RNF6: variants seen among roughly 807,000 people sequenced by gnomAD.
RNF6 encodes ring finger protein 6.
A neutral mutation model predicts 50.1 loss-of-function variants in RNF6; 21 were observed. The ratio of observed to expected loss-of-function variants is 0.42; its 90% CI spans 0.30 to 0.60. RNF6 has a LOEUF of 0.60. Among genes scored for constraint, RNF6 ranks in the 20% least tolerant of loss-of-function variants. The pLI, the probability that RNF6 is intolerant of heterozygous loss-of-function variation, is 0.20. For synonymous variants in RNF6, 255 were observed against 291.8 expected, an observed-to-expected ratio of 0.87 and a Z score of 1.29; for missense variants, 698 against 838.2, an observed-to-expected ratio of 0.83 and a Z score of 2.07.
chr13:26,207,247 G>T (rs1869148427), intron 5 of RNF6, among the ~76,000 whole-genome samples: 1 of 151,690 alleles, frequency 6.6e-6, no homozygotes, highest in Non-Finnish European at 1.5e-5. Context: ...AAAAAAGTAT[G>T]AAAGGCAAGA....
At chr13:26,159,541 C>T (rs1192746323) in intron 5 of RNF6, among the ~76,000 whole-genome samples, 2 of 152,094 alleles carry the variant, frequency 1.3e-5, no homozygotes, top group Non-Finnish European at 2.9e-5. Flanking sequence ...AGGAGAATGG[C>T]GTGAACCCAG....
At chr13:26,146,246 A>T (rs1189012864) in intron 5 of RNF6, among the ~76,000 whole-genome samples, 1 of 152,214 alleles carries the variant, frequency 6.6e-6, no homozygotes, top group Non-Finnish European at 1.5e-5. Context: ...ACTCAGCAAC[A>T]CAGGTTTGGA....
intron 5 of RNF6, among the ~76,000 whole-genome samples, chr13:26,204,528 GAAAAAGA>G (rs1484280191): frequency 1.4e-5 from 2 of 146,734 alleles, no homozygotes; most frequent in African/African-American, 5.0e-5. Flanking sequence ...AAGAAAGAAA[GAAAAAGA>G]AAAAAGAAAA....
chr13:26,188,633 T>C (rs1019635294), intron 5 of RNF6, among the ~76,000 whole-genome samples: 1 of 108,346 alleles, frequency 9.2e-6, no homozygotes, highest in Non-Finnish European at 1.9e-5. Context: ...CTTTTTTTTT[T>C]TTTTTTTTTT....
chr13:26,160,771 G>A (rs1374662581), intron 5 of RNF6, among the ~76,000 whole-genome samples: 1 of 152,096 alleles, frequency 6.6e-6, no homozygotes, highest in Non-Finnish European at 1.5e-5. Context: ...AGATCAAGGT[G>A]TTGGCAGAGC....
chr13:26,163,325 T>A (rs917403127), intron 5 of RNF6, among the ~76,000 whole-genome samples: 9 of 150,512 alleles, frequency 6.0e-5, no homozygotes, highest in East Asian at 5.8e-4. Context: ...AAAAAAAAAA[T>A]ACCAACTTGT....
Position 26,214,260 on chromosome 13 carries a change from T to C in RNF6, c.1622A>G (p.Gln541Arg). The change falls in exon 5 of 5, where the codon CAG becomes CGG. Residue 541 changes from glutamine (Q) to arginine (R), a missense_variant. Coordinates refer to ENST00000381588, the MANE Select transcript of RNF6 (RefSeq NM_005977.4). ...CATTTCAGTGCTGTCTCCTTGGGCC[T>C]GCCTGTCTTGAGAGGAACCTTCCCT... is the stretch of plus-strand genomic sequence containing the variant. ...QHREGSSQDR[Q>R]AQGDSTEMHG... 6.2e-7 allele frequency: 1 copy of C among 1,614,208 alleles called. No homozygotes were observed. The highest frequency in any genetic ancestry group is 8.5e-7 in the Non-Finnish European group (1 of 1,180,038).
intron 5 of RNF6, among the ~76,000 whole-genome samples, chr13:26,194,522 T>A (rs1868583737): frequency 6.6e-6 from 1 of 152,182 alleles, no homozygotes; most frequent in Non-Finnish European, 1.5e-5. Flanking sequence ...TTTACTGCAG[T>A]TCCTTTTTAC....
intron 5 of RNF6, among the ~76,000 whole-genome samples, chr13:26,203,003 A>G (rs567754850): frequency 6.6e-6 from 1 of 152,336 alleles, no homozygotes; most frequent in East Asian, 1.9e-4. Context: ...CCCACTAGGT[A>G]AGTGTGATTG....
intron 4 of RNF6, among the ~76,000 whole-genome samples, chr13:26,216,585 A>G (rs1869895588): frequency 6.6e-6 from 1 of 152,204 alleles, no homozygotes; most frequent in African/African-American, 2.4e-5. Flanking sequence ...GATATTATAT[A>G]AAGTACAAAA....
Position 26,214,233 on chromosome 13 carries a change from T to A in RNF6, c.1649A>T (p.His550Leu). Residue 550 changes from histidine (H) to leucine (L), a missense_variant, in exon 5 of 5, where the codon CAT becomes CTT. His to Leu is a moderately conservative substitution (Grantham distance 99, BLOSUM62 -3). Transcript: ENST00000381588. ...AGGCTGGGTGGTCTCGTTTTCACCA[T>A]GCATTTCAGTGCTGTCTCCTTGGGC... ...RQAQGDSTEM[H>L]GENETTQPHT... is the part of the protein sequence containing the mutation. 6.2e-7 allele frequency: 1 copy of A among 1,614,212 alleles called. No homozygotes were observed.
chr13:26,199,933 G>A (rs964635042), intron 5 of RNF6, among the ~76,000 whole-genome samples: 1 of 152,144 alleles, frequency 6.6e-6, no homozygotes, highest in South Asian at 2.1e-4. Flanking sequence ...CCATGAATTT[G>A]GGATTAATGC....
At chr13:26,145,049 G>A (rs1285691330) in intron 5 of RNF6, 2 of 152,262 alleles carry the variant, frequency 1.3e-5, no homozygotes, top group African/African-American at 4.8e-5. Context: ...TACTCCTGAA[G>A]TAGAACAGTG....
intron 5 of RNF6, among the ~76,000 whole-genome samples, chr13:26,151,150 A>G (rs1171294078): frequency 2.0e-5 from 3 of 152,226 alleles, no homozygotes; most frequent in Non-Finnish European, 4.4e-5. Context: ...CACCTCAGTC[A>G]TACGTTGCCT....
chr13:26,210,054 T>A (rs993056424), downstream of RNF6, among the ~76,000 whole-genome samples: 2 of 152,258 alleles, frequency 1.3e-5, no homozygotes, highest in African/African-American at 4.8e-5. Flanking sequence ...TGAAAATAAC[T>A]CGCAATCTGT....
At chr13:26,171,206 A>T (rs1270731970) in intron 5 of RNF6, among the ~76,000 whole-genome samples, 7 of 152,178 alleles carry the variant, frequency 4.6e-5, no homozygotes, top group African/African-American at 1.7e-4. Context: ...CAGCTAAACA[A>T]TCCAATTCAA....
At chr13:26,181,198 G>A (rs1230797678) in intron 5 of RNF6, among the ~76,000 whole-genome samples, 5 of 152,180 alleles carry the variant, frequency 3.3e-5, no homozygotes, top group African/African-American at 1.2e-4. Flanking sequence ...GCAGCACCAG[G>A]GAAAGCATGG....
rs183596609 is a variant in RNF6 at position 26,184,982 on chromosome 13, C to T, written n.768+30492G>A. ...TTTTAGAACTTGTAGGTATTGTTATCATTTTATTGATTGATTGATTGATTG... is the reference window on the plus strand; with the variant it reads ...TTTTAGAACTTGTAGGTATTGTTATTATTTTATTGATTGATTGATTGATTG... On this transcript the variant is annotated intron_variant and non_coding_transcript_variant, in intron 5 of 5. Coordinates refer to the RNF6 transcript ENST00000468480. Among the ~76,000 whole-genome samples the T allele has an allele frequency of 1.9e-4, 28 of 147,754 alleles. No individual in the cohort carries two copies. The East Asian group carries it at 4.8e-3, about 26-fold the overall frequency.
chr13:26,213,608 A>T lies in RNF6; in HGVS notation c.*216T>A. The stretch of plus-strand genomic sequence containing the variant: ...TTAGAGGTTATTTGGTTCTAGCAAT[A>T]TTAACTATTCTGTATTTCTGGATAA... On this transcript the variant is annotated 3_prime_UTR_variant, in exon 5 of 5. Coordinates refer to ENST00000381588, the MANE Select transcript of RNF6 (RefSeq NM_005977.4). The T allele has an allele frequency of 2.5e-6, 1 of 399,436 alleles. No individual in the cohort carries two copies. The highest frequency in any genetic ancestry group is 4.4e-6 in the Non-Finnish European group (1 of 227,628). 24.7% of individuals were successfully genotyped at this position (399,436 alleles called of 1,614,324 possible). A position where few individuals can be genotyped will look rare whatever the true frequency, so the allele number is the denominator to read the frequency against.
Sources: allele counts gnomAD v4.1 joint callset (sites outside exome capture counted in the v4.1 genomes callset), GRCh38; gene constraint gnomAD v4.1.1; transcripts MANE v1.5; gene names NCBI Gene and HGNC (gene_info 2026-07-23, HGNC 2026-07-21).